CDKL5: variants seen among roughly 807,000 people sequenced by gnomAD.
The protein encoded by CDKL5 is cyclin dependent kinase like 5.
Under a neutral mutation model 61.7 loss-of-function variants are expected in CDKL5, and 8 were observed. That is an observed-to-expected ratio of 0.13 (90% CI 0.08 to 0.23). CDKL5 has a LOEUF of 0.23. CDKL5 is among the 10% of genes least tolerant of loss of function. CDKL5 has a pLI of 1.00. For synonymous variants in CDKL5, 275 were observed against 272.3 expected (o/e 1.01, Z -0.10); for missense variants, 440 against 734.5 (o/e 0.60, Z 4.63).
rs966745174 is a variant in CDKL5, at chrX:18,595,439, T to C, written c.825+11T>C. 3.8e-6 allele frequency: 4 copies of C among 1,048,381 alleles called. No homozygotes were observed. Among genetic ancestry groups the C allele is most frequent in the Non-Finnish European group, 4.0e-6 (3 of 747,737 alleles). The allele number at this position is 1,048,381 out of a possible 1,213,427, so 86.4% of individuals were successfully genotyped here. A position where few individuals can be genotyped will look rare whatever the true frequency, so the allele number is the denominator to read the frequency against. On this transcript the variant is annotated intron_variant, in intron 10 of 17. Transcript: ENST00000623535. Reference sequence around the variant, plus strand: ...CTTGACCTAATGAAGGTAAGGCCAATTGATATTATCTCTATAAAATGTCTT... The same window carrying C: ...CTTGACCTAATGAAGGTAAGGCCAACTGATATTATCTCTATAAAATGTCTT...
intron 1 of CDKL5, among the ~76,000 whole-genome samples, chrX:18,443,469 T>C (rs1343041871): frequency 8.9e-6 from 1 of 111,884 alleles, no homozygotes; most frequent in Non-Finnish European, 1.9e-5. Flanking sequence ...CAGTACCTAG[T>C]AGTTATCTTT....
At chrX:18,503,855 C>G (rs1487871047) in intron 1 of CDKL5, among the ~76,000 whole-genome samples, 1 of 108,329 alleles carries the variant, frequency 9.2e-6, no homozygotes, top group Non-Finnish European at 1.9e-5. Flanking sequence ...AATCCTCCCT[C>G]CTCACCATCT....
At chrX:18,551,186 A>T (rs1419158448) in intron 3 of CDKL5, among the ~76,000 whole-genome samples, 1 of 111,596 alleles carries the variant, frequency 9.0e-6, no homozygotes, top group East Asian at 2.8e-4. Context: ...CGAATCTATA[A>T]TATGAACATA....
intron 1 of CDKL5, chrX:18,426,079 G>A (rs921475445): frequency 8.9e-6 from 1 of 112,500 alleles, no homozygotes; most frequent in Non-Finnish European, 1.9e-5. Context: ...TTGCGGCGAG[G>A]TAAGCCCCTT....
At chrX:18,644,580 C>A (rs779660363), downstream of CDKL5, 6 of 1,209,926 alleles carry the variant, frequency 5.0e-6, no homozygotes, top group East Asian at 3.0e-5. Context: ...TCAGATCTAT[C>A]TGTAACCACT....
rs3788812 is a variant in CDKL5, at chrX:18,483,799, A to T, written c.-162-23136A>T. On this transcript the variant is annotated intron_variant, in intron 1 of 17. Coordinates refer to ENST00000623535, the MANE Select transcript of CDKL5 (RefSeq NM_001323289.2). ...GACATATCAAAATCTAGAAACTAAA[A>T]AGTTAAAAAAAATTTTTATGTTAGC... is the stretch of plus-strand genomic sequence containing the variant. Among the ~76,000 whole-genome samples the T allele has an allele frequency of 2.7e-5, 3 of 111,888 alleles. No homozygotes were observed. The East Asian group carries it at 8.4e-4, about 31-fold the overall frequency.
Position 18,653,488 on chromosome X carries a change from G to A in CDKL5, c.3037G>A (p.Val1013Ile), listed in dbSNP as rs753447480. Reference sequence around the variant, plus strand: ...GGAAGCCCTGATTCACAGGGCCCAGGTAAACCAAGCTGCGCTCCTGACATA... The same window carrying A: ...GGAAGCCCTGATTCACAGGGCCCAGATAAACCAAGCTGCGCTCCTGACATA... Residue 1013 changes from valine to isoleucine, a missense_variant, in exon 22 of 22, where the codon GTA becomes ATA. Coordinates refer to the CDKL5 transcript ENST00000379989. The A allele has an allele frequency of 2.5e-6, 3 of 1,211,673 alleles. No homozygotes were observed. The South Asian group carries it at 5.3e-5, about 21-fold the overall frequency.
chrX:18,602,905 G>GT (rs1379873428), intron 11 of CDKL5, among the ~76,000 whole-genome samples: 6 of 112,109 alleles, frequency 5.4e-5, no homozygotes, highest in Non-Finnish European at 1.1e-4. Context: ...CCAGAATTGT[G>GT]TAAATCATTA....
chrX:18,566,439 A>G (rs1924972782), intron 4 of CDKL5, among the ~76,000 whole-genome samples: 1 of 113,071 alleles, frequency 8.8e-6, no homozygotes, highest in Non-Finnish European at 1.9e-5. Flanking sequence ...TACAGGCGTG[A>G]GCCACCTTGT....
At chrX:18,568,792 C>G (rs1925049789) in intron 4 of CDKL5, among the ~76,000 whole-genome samples, 1 of 110,472 alleles carries the variant, frequency 9.1e-6, no homozygotes, top group African/African-American at 3.3e-5. Flanking sequence ...CTCCTGGGCT[C>G]AAGCAGTCTT....
At chrX:18,580,276 G>C (rs769820732) in intron 6 of CDKL5, among the ~76,000 whole-genome samples, 2 of 111,773 alleles carry the variant, frequency 1.8e-5, no homozygotes, top group African/African-American at 6.5e-5. Context: ...TGTGAACTTT[G>C]AAACTTACTT....
At chrX:18,465,387 G>A (rs1236582303) in intron 1 of CDKL5, among the ~76,000 whole-genome samples, 5 of 111,506 alleles carry the variant, frequency 4.5e-5, no homozygotes, top group East Asian at 2.8e-4. Context: ...ATCTTCTGCC[G>A]GGCATGGTGG....
At chrX:18,523,980 G>A in intron 3 of CDKL5, among the ~76,000 whole-genome samples, 1 of 111,826 alleles carries the variant, frequency 8.9e-6, no homozygotes, top group Non-Finnish European at 1.9e-5. Context: ...TAATATTTTT[G>A]TGTGTGGATT....
intron 1 of CDKL5, among the ~76,000 whole-genome samples, chrX:18,460,190 T>C (rs1932250381): frequency 9.2e-6 from 1 of 109,012 alleles, no homozygotes; most frequent in African/African-American, 3.3e-5. Context: ...GCCACCGCAC[T>C]CGGCCTCAGG....
chrX:18,437,420 T>C (rs1357168187), intron 1 of CDKL5, among the ~76,000 whole-genome samples: 1 of 112,290 alleles, frequency 8.9e-6, no homozygotes, highest in Non-Finnish European at 1.9e-5. Context: ...TTCTTTGCTG[T>C]TTTTTTCCCT....
chrX:18,572,230 C>A (rs1406744163), intron 4 of CDKL5, among the ~76,000 whole-genome samples: 1 of 111,464 alleles, frequency 9.0e-6, no homozygotes, highest in Non-Finnish European at 1.9e-5. Context: ...ATTAAAAGAC[C>A]GAGTCCAGAA....
chrX:18,486,437 T>C (rs954619295), intron 1 of CDKL5, among the ~76,000 whole-genome samples: 1 of 112,318 alleles, frequency 8.9e-6, no homozygotes, highest in Non-Finnish European at 1.9e-5. Flanking sequence ...TTAAAATGCC[T>C]GAACCAAACT....
intron 17 of CDKL5, 132 bp from the exon 18 acceptor site, chrX:18,628,239 G>A: frequency 1.6e-6 from 1 of 618,748 alleles, no homozygotes; most frequent in Non-Finnish European, 2.8e-6. Flanking sequence ...GATATGGCTG[G>A]ACCGGCTCCT....
intron 12 of CDKL5, among the ~76,000 whole-genome samples, chrX:18,607,927 A>G (rs770822933): frequency 1.8e-5 from 2 of 112,068 alleles, no homozygotes; most frequent in Admixed American, 9.4e-5. Flanking sequence ...AGGGAGAAAA[A>G]TAATCATATT....
Sources: allele counts gnomAD v4.1 joint callset (sites outside exome capture counted in the v4.1 genomes callset), GRCh38; gene constraint gnomAD v4.1.1; transcripts MANE v1.5; gene names NCBI Gene and HGNC (gene_info 2026-07-23, HGNC 2026-07-21).